LZTFL1: variants seen among roughly 807,000 people sequenced by gnomAD.
LZTFL1 encodes leucine zipper transcription factor like 1, also known as leucine zipper transcription factor-like protein 1.
Under a neutral mutation model 45.9 loss-of-function variants are expected in LZTFL1, and 25 were observed. The ratio of observed to expected loss-of-function variants is 0.54; its 90% CI spans 0.40 to 0.76. The LOEUF is 0.76. Ranked by LOEUF, LZTFL1 falls within the 30% of genes least tolerant of loss-of-function variation. LZTFL1 has a pLI of 0.00. For missense variants in LZTFL1, 277 were observed against 331.1 expected (o/e 0.84, Z 1.27); for synonymous variants, 93 against 117.4 (o/e 0.79, Z 1.35).
At position 45,828,570 on chromosome 3, in the gene LZTFL1, C is replaced by A; in HGVS notation, c.646G>T (p.Ala216Ser). ...QDLSNLENTVAALKSEFQKTL... is the reference protein window; with the variant it reads ...QDLSNLENTVSALKSEFQKTL... The stretch of plus-strand genomic sequence containing the variant: ...TTCTGAAACTCACTCTTTAAGGCAG[C>A]GACAGTGTTTTCTAAGTTACTTAAG... Residue 216 changes from alanine to serine, a missense_variant, in exon 8 of 10, where the codon GCT (alanine) becomes TCT (serine). Physicochemically the swap from Ala to Ser is moderately conservative, Grantham distance 99. Coordinates refer to ENST00000296135, the MANE Select transcript of LZTFL1 (RefSeq NM_020347.4). 6.2e-7 allele frequency: 1 copy of A among 1,614,058 alleles called. No homozygotes were observed. Among genetic ancestry groups the A allele is most frequent in the Non-Finnish European group, 8.5e-7 (1 of 1,179,968 alleles).
chr3:45,909,114 C>G (rs911013293), intron 2 of LZTFL1, among the ~76,000 whole-genome samples: 1 of 152,196 alleles, frequency 6.6e-6, no homozygotes, highest in African/African-American at 2.4e-5. Context: ...TCTCCCATTA[C>G]CCCGATGAGA....
chr3:45,838,863 G>T (rs755452810), intron 1 of LZTFL1, among the ~76,000 whole-genome samples: 10 of 152,204 alleles, frequency 6.6e-5, no homozygotes, highest in Non-Finnish European at 1.0e-4. Context: ...TTGAAGGGAA[G>T]CAAAAGGGAA....
upstream of LZTFL1, chr3:45,842,215 T>C (rs951328426): frequency 1.0e-5 from 14 of 1,405,084 alleles, no homozygotes; most frequent in African/African-American, 1.4e-5. Context: ...ACCGGTTGAC[T>C]GCCACATGCG....
rs58796842 is a variant in LZTFL1, at chr3:45,894,767, TATAG to T, written c.-215+18349_-215+18352del. The T allele has an allele frequency of 3.1e-4, 206 of 669,902 alleles. No homozygotes were observed. The African/African-American group carries it at 3.4e-3, about 11-fold the overall frequency. The allele number at this position is 669,902 out of a possible 1,614,324, so 41.5% of individuals were successfully genotyped here. A position where few individuals can be genotyped will look rare whatever the true frequency, so the allele number is the denominator to read the frequency against. On this transcript the variant is annotated intron_variant, in intron 2 of 4. Transcript: ENST00000472635. ...GATGATTCTGAAATCTAGAATACTA[TATAG>T]ACTCTAACTCCTGCTTGGAATATTT...
At chr3:45,872,790 G>C (rs927479568) in intron 2 of LZTFL1, among the ~76,000 whole-genome samples, 3 of 152,190 alleles carry the variant, frequency 2.0e-5, no homozygotes, top group Non-Finnish European at 4.4e-5. Flanking sequence ...TCAGGCTGAT[G>C]GGGGAGGGGA....
Position 45,835,681 on chromosome 3 carries a change from A to G in LZTFL1, c.232T>C (p.Tyr78His). The change falls in exon 3 of 10, where the codon TAT (tyrosine) becomes CAT (histidine). Residue 78 changes from tyrosine to histidine, a missense_variant. Transcript: ENST00000296135. ...TGTCGCAGAAGTAACACATTGGTAT[A>G]GGCAGTGTTGATGAGCTCAGATTCC... Reference protein sequence around the residue: ...EVESELINTAYTNVLLLRQLF... With the variant: ...EVESELINTAHTNVLLLRQLF... 1 of 1,613,972 alleles carries G rather than the reference A, an allele frequency of 6.2e-7. No homozygotes were observed. The highest frequency in any genetic ancestry group is 1.6e-4 in the Middle Eastern group (1 of 6,062).
chr3:45,869,873 C>T (rs910572386), intron 2 of LZTFL1, among the ~76,000 whole-genome samples: 13 of 152,232 alleles, frequency 8.5e-5, no homozygotes. Context: ...AAAACTATTT[C>T]CCTCAGGATT....
intron 5 of LZTFL1, chr3:45,832,630 C>T (rs1559402648): frequency 6.5e-6 from 1 of 154,342 alleles, no homozygotes. Flanking sequence ...GGCGTGATCT[C>T]AGCTCACTGC....
At chr3:45,839,119 C>T (rs1701040045) in intron 1 of LZTFL1, among the ~76,000 whole-genome samples, 2 of 152,074 alleles carry the variant, frequency 1.3e-5, no homozygotes, top group African/African-American at 4.8e-5. Flanking sequence ...GACGGAGTCT[C>T]GCTCTTTCAC....
At position 45,915,598 on chromosome 3, in the gene LZTFL1, T is replaced by C. The variant is rs1433086686; in HGVS notation, c.-450A>G. ...CTGTCCTAGAAACAAGGACTTCCTTTTGGTAAGGACACTCATGCATCTCAG... is the reference window on the plus strand; with the variant it reads ...CTGTCCTAGAAACAAGGACTTCCTTCTGGTAAGGACACTCATGCATCTCAG... On this transcript the variant is annotated 5_prime_UTR_variant, in exon 1 of 5. Coordinates refer to the LZTFL1 transcript ENST00000472635. 8 of 445,180 alleles carry C rather than the reference T, an allele frequency of 1.8e-5. No individual in the cohort carries two copies. In the Middle Eastern group the frequency reaches 9.9e-4, roughly 55 times the overall value. The allele number at this position is 445,180 out of a possible 1,614,324, so 27.6% of individuals were successfully genotyped here.
At chr3:45,897,609 T>G (rs1575302064) in intron 2 of LZTFL1, 1 of 1,535,616 alleles carries the variant, frequency 6.5e-7, no homozygotes, top group Non-Finnish European at 8.7e-7. Context: ...GGCCCAGGAA[T>G]CCATCTCCTT....
chr3:45,851,538 G>A (rs13320249), intron 4 of LZTFL1, among the ~76,000 whole-genome samples: 6 of 151,866 alleles, frequency 4.0e-5, no homozygotes, highest in Non-Finnish European at 8.8e-5. Context: ...TGTGATCTTC[G>A]AAACTTCTAT....
intron 2 of LZTFL1, among the ~76,000 whole-genome samples, chr3:45,877,867 T>G (rs1701777425): frequency 6.6e-6 from 1 of 150,810 alleles, no homozygotes; most frequent in Non-Finnish European, 1.5e-5. Context: ...CACCTCAGCC[T>G]CCTGAGTAGC....
intron 4 of LZTFL1, among the ~76,000 whole-genome samples, chr3:45,847,464 T>G (rs11712469): frequency 0.65 from 98,076 of 152,012 alleles, 31,950 homozygotes; most frequent in South Asian, 0.83. Flanking sequence ...GGCTGAATTA[T>G]AGACATTGTG....
exon 1 of LZTFL1, chr3:45,915,533 T>C (rs1702882198): frequency 2.2e-6 from 1 of 456,472 alleles, no homozygotes; most frequent in South Asian, 1.5e-5. Context: ...AATCATTTTT[T>C]CTGTGATGAT....
At chr3:45,906,509 C>T (rs1702680804) in intron 2 of LZTFL1, among the ~76,000 whole-genome samples, 1 of 152,202 alleles carries the variant, frequency 6.6e-6, no homozygotes, top group Non-Finnish European at 1.5e-5. Flanking sequence ...GGACCAGGGA[C>T]TGAAAAGATG....
Position 45,835,730 on chromosome 3 carries a change from T to C in LZTFL1, c.183A>G (p.Leu61=). 6.2e-7 allele frequency: 1 copy of C among 1,614,154 alleles called. No homozygotes were observed. The highest frequency in any genetic ancestry group is 2.2e-5 in the East Asian group (1 of 44,884). The part of the protein sequence containing the change: ...IDEVSEVLNG[L]QAVVHSEVES... ...CCACCTCACTATGAACCACAGCTTGTAATCCATTGAGGACTTCAGAGACTT... is the reference window on the plus strand; with the variant it reads ...CCACCTCACTATGAACCACAGCTTGCAATCCATTGAGGACTTCAGAGACTT... Residue 61 remains leucine, a synonymous_variant, in exon 3 of 10, where the codon TTA becomes TTG. Transcript: ENST00000296135.
intron 2 of LZTFL1, among the ~76,000 whole-genome samples, chr3:45,867,362 C>T (rs1226827280): frequency 6.6e-6 from 1 of 152,046 alleles, no homozygotes; most frequent in African/African-American, 2.4e-5. Context: ...ATGATGGGCA[C>T]TTCCGGGCCA....
At chr3:45,831,342 T>C (rs1450815313) in intron 5 of LZTFL1, among the ~76,000 whole-genome samples, 6 of 152,220 alleles carry the variant, frequency 3.9e-5, no homozygotes, top group South Asian at 2.1e-4. Flanking sequence ...CTAAGACATC[T>C]AGTTTCTTTT....
Sources: allele counts gnomAD v4.1 joint callset (sites outside exome capture counted in the v4.1 genomes callset), GRCh38; gene constraint gnomAD v4.1.1; transcripts MANE v1.5; gene names NCBI Gene and HGNC (gene_info 2026-07-23, HGNC 2026-07-21).